INTU: variants seen among roughly 807,000 people sequenced by gnomAD.
The protein encoded by INTU is protein inturned.
A neutral mutation model predicts 100.5 loss-of-function variants in INTU; 68 were observed. The ratio of observed to expected loss-of-function variants is 0.68; its 90% CI spans 0.56 to 0.83. INTU has a LOEUF of 0.83. INTU is among the 40% of genes least tolerant of loss of function. INTU has a pLI of 0.00. For missense variants in INTU, 1,071 were observed against 1,114.7 expected, an observed-to-expected ratio of 0.96 and a Z score of 0.56; for synonymous variants, 357 against 395.7, an observed-to-expected ratio of 0.90 and a Z score of 1.16.
chr4:127,696,999 C>T (rs759333455), intron 8 of INTU, among the ~76,000 whole-genome samples: 4 of 152,116 alleles, frequency 2.6e-5, no homozygotes, highest in Admixed American at 6.6e-5. Context: ...GTTTAAATTG[C>T]CAATTACTTC....
Position 127,726,192 on chromosome 4 carries a change from A to G in INTU, c.*9756A>G, listed in dbSNP as rs1342197010. The G allele has an allele frequency of 6.6e-6, 1 of 152,150 alleles. No individual in the cohort carries two copies. The highest frequency in any genetic ancestry group is 1.5e-5 in the Non-Finnish European group (1 of 68,038). 9.4% of individuals were successfully genotyped at this position (152,150 alleles called of 1,614,324 possible). A position where few individuals can be genotyped will look rare whatever the true frequency, so the allele number is the denominator to read the frequency against. On this transcript the variant is annotated 3_prime_UTR_variant, in exon 16 of 16. Coordinates refer to ENST00000335251, the MANE Select transcript of INTU (RefSeq NM_015693.4). ...TTTAGCTCTTGTTTGTGTCTTGCCAAAGAAGTGTACCTAGTAAGGGAATGT... is the reference window on the plus strand; with the variant it reads ...TTTAGCTCTTGTTTGTGTCTTGCCAGAGAAGTGTACCTAGTAAGGGAATGT...
intron 6 of INTU, among the ~76,000 whole-genome samples, chr4:127,675,318 G>A (rs1041866958): frequency 6.6e-6 from 1 of 152,146 alleles, no homozygotes; most frequent in Non-Finnish European, 1.5e-5. Context: ...TTCTCTTGAT[G>A]TTGCTTCAAG....
At chr4:127,704,322 C>T (rs939798526) in intron 10 of INTU, 32 bp downstream of exon 10, 2 of 1,506,444 alleles carry the variant, frequency 1.3e-6, no homozygotes, top group South Asian at 1.2e-5. Context: ...AAATGTCCAG[C>T]TGCTGTATAA....
At chr4:127,645,914 G>A (rs1274222681) in intron 2 of INTU, among the ~76,000 whole-genome samples, 2 of 151,996 alleles carry the variant, frequency 1.3e-5, no homozygotes, top group Non-Finnish European at 2.9e-5. Context: ...CTGGCGTGGT[G>A]GCTAACACTT....
intron 2 of INTU, among the ~76,000 whole-genome samples, chr4:127,654,955 C>T (rs533977329): frequency 0.024 from 3,561 of 149,038 alleles, 132 homozygotes; most frequent in African/African-American, 0.084. Flanking sequence ...CTTCCCTTCT[C>T]GCTTCATTTC....
intron 8 of INTU, among the ~76,000 whole-genome samples, chr4:127,695,093 A>C (rs1008651235): frequency 5.3e-5 from 8 of 152,206 alleles, no homozygotes; most frequent in African/African-American, 1.9e-4. Context: ...TCTTGACAAT[A>C]TTGAGTCTTC....
rs1043004881 is a variant in INTU, at chr4:127,663,259, C to G, written c.769-122C>G. 4 of 679,356 alleles carry G rather than the reference C, an allele frequency of 5.9e-6. No individual in the cohort carries two copies. In the Admixed American group the frequency reaches 7.6e-5, roughly 13 times the overall value. 42.1% of individuals were successfully genotyped at this position (679,356 alleles called of 1,614,324 possible). A position where few individuals can be genotyped will look rare whatever the true frequency, so the allele number is the denominator to read the frequency against. ...GTCCCAGCCATCAGGAGCACTCACTCTAGGATGATTTATATATACTGTACA... is the reference window on the plus strand; with the variant it reads ...GTCCCAGCCATCAGGAGCACTCACTGTAGGATGATTTATATATACTGTACA... On this transcript the variant is annotated intron_variant, in intron 3 of 15. Coordinates refer to ENST00000335251, the MANE Select transcript of INTU (RefSeq NM_015693.4).
chr4:127,646,835 T>A (rs1409804088), intron 2 of INTU, among the ~76,000 whole-genome samples: 2 of 152,114 alleles, frequency 1.3e-5, no homozygotes, highest in Admixed American at 6.5e-5. Flanking sequence ...CAAAAAAAAA[T>A]AACAAAATTT....
At chr4:127,655,860 C>G (rs1255417757) in intron 2 of INTU, among the ~76,000 whole-genome samples, 3 of 152,198 alleles carry the variant, frequency 2.0e-5, no homozygotes, top group Admixed American at 2.0e-4. Flanking sequence ...GACTGCTGTG[C>G]TAGCAATCAG....
Position 127,643,674 on chromosome 4 carries a change from C to T in INTU, c.300C>T (p.Asp100=), listed in dbSNP as rs533219200. ...FSENEIIIED[D]YKERKKYEPK... ...AAAATGAGATTATCATTGAAGATGACTACAAAGAAAGAAAAAAGTATGAAC... is the reference window on the plus strand; with the variant it reads ...AAAATGAGATTATCATTGAAGATGATTACAAAGAAAGAAAAAAGTATGAAC... The change falls in exon 2 of 16, where the codon GAC becomes GAT. Residue 100 remains aspartate (D), a synonymous_variant. Coordinates refer to ENST00000335251, the MANE Select transcript of INTU (RefSeq NM_015693.4). The T allele has an allele frequency of 6.2e-7, 1 of 1,612,970 alleles. No homozygotes were observed. Among genetic ancestry groups the T allele is most frequent in the African/African-American group, 1.3e-5 (1 of 74,762 alleles).
chr4:127,636,870 G>A (rs1727097217), intron 1 of INTU, among the ~76,000 whole-genome samples: 2 of 152,108 alleles, frequency 1.3e-5, no homozygotes, highest in South Asian at 4.1e-4. Context: ...CTTCTGCTCT[G>A]AACCCTGACT....
chr4:127,674,175 A>G lies in INTU; in HGVS notation c.1143A>G (p.Glu381=). 2.5e-6 allele frequency: 4 copies of G among 1,612,516 alleles called. No homozygotes were observed. The highest frequency in any genetic ancestry group is 3.4e-6 in the Non-Finnish European group (4 of 1,179,306). The change falls in exon 6 of 16, where the codon GAA becomes GAG. Residue 381 remains glutamate, a synonymous_variant. Coordinates refer to ENST00000335251, the MANE Select transcript of INTU (RefSeq NM_015693.4). ...AAATTCATGTGGCTTATTGGAAAGA[A>G]TCTGACAAGTTGTTGCTAATTGGCC... ...GKQIHVAYWK[E]SDKLLLIGLP...
chr4:127,655,758 G>T (rs1270203584), intron 2 of INTU, among the ~76,000 whole-genome samples: 2 of 152,224 alleles, frequency 1.3e-5, no homozygotes, highest in East Asian at 1.9e-4. Context: ...CACCCAGTTG[G>T]AGCTTCCTGG....
chr4:127,652,010 G>A (rs1299264862), intron 2 of INTU, among the ~76,000 whole-genome samples: 1 of 147,014 alleles, frequency 6.8e-6, no homozygotes, highest in African/African-American at 2.6e-5. Context: ...TCATGATTTG[G>A]CTCTCTGTTT....
At chr4:127,704,323 T>A (rs1255650631) in intron 10 of INTU, 33 bp downstream of exon 10, 1 of 1,503,842 alleles carries the variant, frequency 6.6e-7, no homozygotes, top group African/African-American at 1.4e-5. Flanking sequence ...AATGTCCAGC[T>A]GCTGTATAAA....
At chr4:127,645,517 A>AT (rs909472523) in intron 2 of INTU, among the ~76,000 whole-genome samples, 1 of 151,384 alleles carries the variant, frequency 6.6e-6, no homozygotes, top group Admixed American at 6.6e-5. Context: ...AGGAGAGATG[A>AT]TAAATTATTG....
At chr4:127,677,863 G>C (rs1379319844) in intron 6 of INTU, among the ~76,000 whole-genome samples, 2 of 152,194 alleles carry the variant, frequency 1.3e-5, no homozygotes, top group Non-Finnish European at 2.9e-5. Flanking sequence ...AAAAAATTTA[G>C]ATGAATGTAT....
At chr4:127,685,580 A>G (rs537313757) in intron 7 of INTU, 92 of 423,342 alleles carry the variant, frequency 2.2e-4, no homozygotes, top group African/African-American at 1.7e-3. Flanking sequence ...GTGAGCTACA[A>G]AGAGCTGGGC....
intron 1 of INTU, among the ~76,000 whole-genome samples, chr4:127,636,141 G>A (rs1033083382): frequency 3.9e-5 from 6 of 152,034 alleles, no homozygotes; most frequent in African/African-American, 1.2e-4. Context: ...ATGATGGTAT[G>A]TGCCTATAGT....
Sources: gnomAD v4.1 joint callset for allele counts (sites outside exome capture counted in the v4.1 genomes callset) on GRCh38, gnomAD v4.1.1 for gene constraint, MANE v1.5 for transcripts, NCBI Gene and HGNC (gene_info 2026-07-23, HGNC 2026-07-21) for gene names.